The following ATAD5 variants were observed in gnomAD, a reference collection of about 807,000 sequenced individuals.
The protein encoded by ATAD5 is ATPase family AAA domain containing 5, also known as ATPase family AAA domain-containing protein 5.
Under a neutral mutation model 176.9 loss-of-function variants are expected in ATAD5, and 58 were observed. The observed-to-expected ratio is 0.33, with a 90% CI of 0.27 to 0.41. The LOEUF is 0.41. Among genes scored for constraint, ATAD5 ranks in the 10% least tolerant of loss-of-function variants. ATAD5 has a pLI of 1.00. For missense variants in ATAD5, 1,789 were observed against 2,094.1 expected, an observed-to-expected ratio of 0.85 and a Z score of 2.84; for synonymous variants, 640 against 712.6, an observed-to-expected ratio of 0.90 and a Z score of 1.62.
intron 14 of ATAD5, among the ~76,000 whole-genome samples, chr17:30,875,804 A>T (rs1860469602): frequency 6.6e-6 from 1 of 151,280 alleles, no homozygotes; most frequent in Admixed American, 6.6e-5. Flanking sequence ...TCAAAAAAAA[A>T]AAAAAATGTG....
In ATAD5 at chr17:30,835,421, T is replaced by A. The variant is rs768171111; in HGVS notation, c.1340T>A (p.Met447Lys). Residue 447 changes from methionine (M) to lysine (K), a missense_variant, in exon 2 of 23, where the codon ATG becomes AAG. Around this residue, in one of 6 missense-constraint regions of ATAD5, gnomAD observed 696 missense variants for 712.5 expected, o/e 0.98. Transcript: ENST00000321990. ...AGAGATGATAATTCTAAAAAAATCA[T>A]GGAAAATTCTGGTATCCAAATGGTT... ...VGRDDNSKKI[M>K]ENSGIQMVSK... 2 of 1,611,520 alleles carry A rather than the reference T, an allele frequency of 1.2e-6. No individual in the cohort carries two copies. Among genetic ancestry groups the A allele is most frequent in the Non-Finnish European group, 1.7e-6 (2 of 1,179,368 alleles).
At chr17:30,889,218 A>G (rs2142449338) in intron 19 of ATAD5, among the ~76,000 whole-genome samples, 1 of 143,252 alleles carries the variant, frequency 7.0e-6, no homozygotes, top group East Asian at 2.0e-4. Context: ...AGGCTGGAGT[A>G]TAGTGACTCT....
At chr17:30,851,850 G>A (rs896346587) in intron 6 of ATAD5, among the ~76,000 whole-genome samples, 2 of 152,142 alleles carry the variant, frequency 1.3e-5, no homozygotes, top group African/African-American at 4.8e-5. Context: ...CTAAAGTGCT[G>A]GGATTACAGG....
Position 30,866,185 on chromosome 17 carries a change from A to ATTTTT in ATAD5, c.3233+410_3233+414dup, listed in dbSNP as rs542432593. On this transcript the variant is annotated intron_variant, in intron 11 of 22. Transcript: ENST00000321990. ...CCTTTACACTTAGTAGAATTTACAA[A>ATTTTT]TTTTTTTTTTTTTTTTTTTTTTTTT... 6.3e-5 allele frequency among the ~76,000 whole-genome samples: 5 copies of ATTTTT among 79,232 alleles called. No individual in the cohort carries two copies. The East Asian group carries it at 1.3e-3, about 20-fold the overall frequency. The allele number at this position is 79,232 out of a possible 152,430, so 52.0% of individuals were successfully genotyped here.
At chr17:30,866,212 T>TC (rs970590397) in intron 11 of ATAD5, among the ~76,000 whole-genome samples, 2 of 137,144 alleles carry the variant, frequency 1.5e-5, no homozygotes, top group African/African-American at 2.8e-5. Flanking sequence ...TTTTTTTTTT[T>TC]TTCAAGACAG....
chr17:30,880,029 C>T (rs1036405556), intron 18 of ATAD5, among the ~76,000 whole-genome samples: 2 of 151,544 alleles, frequency 1.3e-5, no homozygotes, highest in Non-Finnish European at 2.9e-5. Context: ...AGGCCAGGCA[C>T]AGTTGCTCAT....
chr17:30,868,905 C>T lies in ATAD5; in HGVS notation c.3314-343C>T, dbSNP rs182313784. 9.1e-4 allele frequency among the ~76,000 whole-genome samples: 130 copies of T among 142,852 alleles called. 1 individual carries two copies. Among genetic ancestry groups the T allele is most frequent in the Middle Eastern group, 3.9e-3 (1 of 258 alleles). 93.7% of individuals were successfully genotyped at this position (142,852 alleles called of 152,430 possible). A position where few individuals can be genotyped will look rare whatever the true frequency, so the allele number is the denominator to read the frequency against. ...AGGCTGGAGTGCAATGGTGTGATCT[C>T]GGCTAACTGCAACCTCCACCTCCTG... On this transcript the variant is annotated intron_variant, in intron 12 of 22. Coordinates refer to ENST00000321990, the MANE Select transcript of ATAD5 (RefSeq NM_024857.5).
In ATAD5 at chr17:30,835,493, T is replaced by A. The variant is rs1905669029; in HGVS notation, c.1412T>A (p.Leu471Gln). The change falls in exon 2 of 23, where the codon CTG becomes CAG. Residue 471 changes from leucine to glutamine, a missense_variant. By Grantham distance (113) the Leu-to-Gln change is moderately radical (BLOSUM62 -2). This residue lies in a region of ATAD5 where 696 missense variants were observed against 712.5 expected (regional missense o/e 0.98). Coordinates refer to ENST00000321990, the MANE Select transcript of ATAD5 (RefSeq NM_024857.5). ...TTACACACTGATAAAGGAAGTTTTC[T>A]GAAGGAGAAAAATAAAAAGCTAAAG... ...LQLHTDKGSF[L>Q]KEKNKKLKKK... is the part of the protein sequence containing the mutation. 2 of 1,607,442 alleles carry A rather than the reference T, an allele frequency of 1.2e-6. No homozygotes were observed. Among genetic ancestry groups the A allele is most frequent in the Non-Finnish European group, 1.7e-6 (2 of 1,178,570 alleles).
intron 9 of ATAD5, 119 bp downstream of exon 9, chr17:30,858,442 G>C (rs754174039): frequency 2.2e-5 from 16 of 720,538 alleles, no homozygotes; most frequent in Non-Finnish European, 2.6e-5. Flanking sequence ...CTGGAGTGCA[G>C]TGGCACAAAC....
chr17:30,872,398 T>G (rs1567693850), intron 14 of ATAD5, among the ~76,000 whole-genome samples: 1 of 152,086 alleles, frequency 6.6e-6, no homozygotes, highest in Non-Finnish European at 1.5e-5. Context: ...CAGAGATTGT[T>G]TCCTCTGATC....
chr17:30,884,218 G>A (rs1207294821), intron 18 of ATAD5, among the ~76,000 whole-genome samples: 8 of 151,196 alleles, frequency 5.3e-5, no homozygotes, highest in African/African-American at 1.9e-4. Flanking sequence ...GAGTGCAGTG[G>A]CACGATCTTA....
At chr17:30,861,550 C>T (rs1907635860) in intron 10 of ATAD5, among the ~76,000 whole-genome samples, 1 of 151,870 alleles carries the variant, frequency 6.6e-6, no homozygotes, top group Admixed American at 6.6e-5. Context: ...TTTTTTGAGA[C>T]AGCATCTCTC....
intron 14 of ATAD5, among the ~76,000 whole-genome samples, chr17:30,872,281 G>T (rs1167151246): frequency 6.6e-6 from 1 of 152,056 alleles, no homozygotes; most frequent in African/African-American, 2.4e-5. Flanking sequence ...GGCTAATTTT[G>T]CCCCACTCCT....
intron 3 of ATAD5, 51 bp from the exon 4 acceptor site, chr17:30,840,566 A>G (rs763359553): frequency 5.7e-6 from 7 of 1,222,782 alleles, no homozygotes; most frequent in Non-Finnish European, 6.6e-6. Flanking sequence ...CTATTATTAA[A>G]TATAAAATAT....
chr17:30,832,941 T>C (rs915555445), intron 1 of ATAD5, among the ~76,000 whole-genome samples: 5 of 152,142 alleles, frequency 3.3e-5, no homozygotes, highest in Admixed American at 3.3e-4. Context: ...TTCTTTTGGG[T>C]TTATCAGGTT....
intron 18 of ATAD5, among the ~76,000 whole-genome samples, chr17:30,883,920 T>G (rs1225260436): frequency 6.6e-6 from 1 of 152,152 alleles, no homozygotes; most frequent in East Asian, 1.9e-4. Context: ...CATATATGGC[T>G]TGGTTTTTAA....
intron 15 of ATAD5, among the ~76,000 whole-genome samples, 187 bp from the exon 16 acceptor site, chr17:30,877,229 G>A (rs748506709): frequency 3.3e-5 from 5 of 152,002 alleles, no homozygotes; most frequent in South Asian, 4.1e-4. Context: ...TGTTGGTCTC[G>A]AAACCCTGAC....
chr17:30,858,266 C>G lies in ATAD5; in HGVS notation c.2899C>G (p.Leu967Val), dbSNP rs151063914. 36 of 1,591,404 alleles carry G rather than the reference C, an allele frequency of 2.3e-5. No homozygotes were observed. The Middle Eastern group carries it at 1.0e-3, about 44-fold the overall frequency. Residue 967 changes from leucine to valine, a missense_variant, in exon 9 of 23, where the codon CTC becomes GTC. Coordinates refer to ENST00000321990, the MANE Select transcript of ATAD5 (RefSeq NM_024857.5). ...TTCATTGAAAAAATATTTTCCCTTA[C>G]TCCTAAAAAAACAAATTGAGCACCA... The part of the protein sequence containing the change: ...EFSLKKYFPL[L>V]LKKQIEHQVL...
intron 6 of ATAD5, among the ~76,000 whole-genome samples, chr17:30,845,321 A>T (rs1006751599): frequency 1.3e-5 from 2 of 152,200 alleles, no homozygotes; most frequent in East Asian, 3.8e-4. Flanking sequence ...TTGGGTCAAC[A>T]AATGAAAAAT....
Sources: allele counts gnomAD v4.1 joint callset (sites outside exome capture counted in the v4.1 genomes callset), GRCh38; gene constraint gnomAD v4.1.1; regional missense constraint gnomAD v4.1.1; transcripts MANE v1.5; gene names NCBI Gene and HGNC (gene_info 2026-07-23, HGNC 2026-07-21).